The following PCDHGB3 variants were observed in gnomAD, a reference collection of about 807,000 sequenced individuals.
The protein encoded by PCDHGB3 is protocadherin gamma subfamily B, 3, also known as protocadherin gamma-B3.
In PCDHGB3, 40 loss-of-function variants were observed where a neutral mutation model predicts 59.2. That is an observed-to-expected ratio of 0.68 (90% confidence interval 0.52 to 0.88). The LOEUF is 0.88. Among genes scored for constraint, PCDHGB3 ranks in the 40% least tolerant of loss-of-function variants. The pLI is 0.00. For synonymous variants in PCDHGB3, 581 were observed against 503.6 expected (o/e 1.15, Z -2.06); for missense variants, 1,309 against 1,187.9 (o/e 1.10, Z -1.50).
intron 1 of PCDHGB3, chr5:141,421,118 T>A (rs572827470): frequency 1.3e-6 from 1 of 771,946 alleles, no homozygotes; most frequent in South Asian, 1.9e-5. Flanking sequence ...GTATTTTCCT[T>A]CGCTTTCTGA....
chr5:141,433,329 G>A, intron 1 of PCDHGB3: 1 of 702,998 alleles, frequency 1.4e-6, no homozygotes, highest in Non-Finnish European at 2.4e-6. Context: ...GTGTAACAGG[G>A]ACTACAGGTG....
At chr5:141,393,228 G>C (rs753113857) in intron 1 of PCDHGB3, 2 of 1,613,720 alleles carry the variant, frequency 1.2e-6, no homozygotes, top group East Asian at 2.2e-5. Context: ...CGAAGATCTA[G>C]AAGTAAAAAT....
chr5:141,467,788 A>G (rs2099151778), intron 1 of PCDHGB3, among the ~76,000 whole-genome samples: 1 of 152,020 alleles, frequency 6.6e-6, no homozygotes. Flanking sequence ...CCTCTCAAGT[A>G]GCTGGGACTA....
chr5:141,432,745 G>A lies in PCDHGB3; in HGVS notation c.2415+59936G>A, dbSNP rs138883931. ...TCTCCGCCACTGTCACGCTCACCGT[G>A]GCCGTGGCCGACAGCATCCCCCAAG... On this transcript the variant is annotated intron_variant, in intron 1 of 3. Coordinates refer to ENST00000576222, the MANE Select transcript of PCDHGB3 (RefSeq NM_018924.5). This position sits in a 1 kb window ranked among gnomAD's most constrained non-coding sequence, Gnocchi z 6.0. 311 of 1,614,110 alleles carry A rather than the reference G, an allele frequency of 1.9e-4. No individual in the cohort carries two copies. The African/African-American group carries it at 3.5e-3, about 18-fold the overall frequency.
At position 141,490,359 on chromosome 5, in the gene PCDHGB3, T is replaced by A; in HGVS notation, c.2416-4448T>A. On this transcript the variant is annotated intron_variant, in intron 1 of 3. Coordinates refer to ENST00000576222, the MANE Select transcript of PCDHGB3 (RefSeq NM_018924.5). The surrounding 1 kb of genome is among the most constrained non-coding windows in gnomAD (Gnocchi z 5.4). ...TGGGCACAGTAGTGGGGTTGTTTAA[T>A]GTGCGAGACCGGGACTCAGGTAGAA... 6.2e-7 allele frequency: 1 copy of A among 1,614,212 alleles called. No individual in the cohort carries two copies. The highest frequency in any genetic ancestry group is 8.5e-7 in the Non-Finnish European group (1 of 1,180,036).
intron 1 of PCDHGB3, chr5:141,382,935 A>G: frequency 6.3e-7 from 1 of 1,589,148 alleles, no homozygotes; most frequent in Admixed American, 1.7e-5. Flanking sequence ...ACTACAGAGG[A>G]TTCTTCCTGC....
chr5:141,404,909 CCT>C (rs1243432357), intron 1 of PCDHGB3: 1 of 1,613,798 alleles, frequency 6.2e-7, no homozygotes, highest in Admixed American at 1.7e-5. Flanking sequence ...TGGCCAGCCC[CCT>C]CTCTCGGCCA....
Position 141,490,225 on chromosome 5 carries a change from G to A in PCDHGB3, c.2416-4582G>A, listed in dbSNP as rs2099697468. On this transcript the variant is annotated intron_variant, in intron 1 of 3. Coordinates refer to ENST00000576222, the MANE Select transcript of PCDHGB3 (RefSeq NM_018924.5). This position sits in a 1 kb window ranked among gnomAD's most constrained non-coding sequence, Gnocchi z 5.4. The stretch of plus-strand genomic sequence containing the variant: ...AAGAGCCCGTGACCAGGGACAGCCT[G>A]CCATGGAGGGCCACTGTGTGATTCA... The A allele has an allele frequency of 6.2e-7, 1 of 1,614,112 alleles. No homozygotes were observed. The highest frequency in any genetic ancestry group is 1.1e-5 in the South Asian group (1 of 91,090).
chr5:141,387,227 A>T (rs1220813655), intron 1 of PCDHGB3, among the ~76,000 whole-genome samples: 3 of 152,230 alleles, frequency 2.0e-5, no homozygotes, highest in Non-Finnish European at 4.4e-5. Context: ...AAGTTGAAAT[A>T]AATCAACTTG....
rs374575578 is a variant in PCDHGB3 at position 141,409,643 on chromosome 5, T to G, written c.2415+36834T>G. 4.3e-6 allele frequency: 7 copies of G among 1,613,620 alleles called. No homozygotes were observed. The African/African-American group carries it at 8.0e-5, about 18-fold the overall frequency. ...GCAAGTGAGCGCCTCTGACCCGGAT[T>G]TGGGGCTCAATGGCCACATCTCCTA... On this transcript the variant is annotated intron_variant, in intron 1 of 3. Coordinates refer to ENST00000576222, the MANE Select transcript of PCDHGB3 (RefSeq NM_018924.5).
rs757663132 is a variant in PCDHGB3 at position 141,510,991 on chromosome 5, A to G, written c.2608A>G (p.Met870Val). ...CACCCTGGGAGGGGGTGCCGGCACC[A>G]TGGGATTGAGCGCCCGCTACGGACC... is the stretch of plus-strand genomic sequence containing the variant. ...SSTLGGGAGT[M>V]GLSARYGPQF... is the part of the protein sequence containing the mutation. Residue 870 changes from methionine (M) to valine (V), a missense_variant, in exon 4 of 4, where the codon ATG becomes GTG. Coordinates refer to ENST00000576222, the MANE Select transcript of PCDHGB3 (RefSeq NM_018924.5). 1.2e-6 allele frequency: 2 copies of G among 1,614,136 alleles called. No individual in the cohort carries two copies. Among genetic ancestry groups the G allele is most frequent in the Admixed American group, 3.3e-5 (2 of 60,022 alleles).
At chr5:141,382,317 GTAAA>G (rs1482634443) in intron 1 of PCDHGB3, among the ~76,000 whole-genome samples, 1 of 152,160 alleles carries the variant, frequency 6.6e-6, no homozygotes, top group Non-Finnish European at 1.5e-5. Flanking sequence ...ATACACTGAT[GTAAA>G]TATTTTCTAA....
chr5:141,381,820 C>CTTTCTTTCTTTCTTTCTTTCT (rs1279410534), intron 1 of PCDHGB3, among the ~76,000 whole-genome samples: 8 of 119,916 alleles, frequency 6.7e-5, no homozygotes, highest in African/African-American at 2.7e-4. Flanking sequence ...TTCTTTCTTT[C>CTTTCTTTCTTTCTTTCTTTCT]TTCTTCTTTT....
At chr5:141,499,557 C>G (rs972965979) in intron 2 of PCDHGB3, among the ~76,000 whole-genome samples, 1 of 152,192 alleles carries the variant, frequency 6.6e-6, no homozygotes, top group African/African-American at 2.4e-5. Context: ...TATGATACCA[C>G]TATCCAGCTT....
intron 1 of PCDHGB3, chr5:141,408,518 T>A (rs1330187050): frequency 6.2e-7 from 1 of 1,614,010 alleles, no homozygotes; most frequent in African/African-American, 1.3e-5. Flanking sequence ...TGAGTTGCAA[T>A]TGGAAGCTGT....
chr5:141,450,010 T>A (rs2098664468), intron 1 of PCDHGB3, among the ~76,000 whole-genome samples: 1 of 135,330 alleles, frequency 7.4e-6, no homozygotes, highest in African/African-American at 3.3e-5. Flanking sequence ...ATGTCTCTTT[T>A]TTTTTTTTTT....
intron 1 of PCDHGB3, chr5:141,430,990 GA>G (rs1185464233): frequency 1.2e-6 from 2 of 1,613,970 alleles, no homozygotes; most frequent in East Asian, 4.5e-5. Context: ...TTTTCGCCCT[GA>G]ATCCGCGCAG....
intron 3 of PCDHGB3, chr5:141,508,010 CAAG>C (rs2099865550): frequency 6.6e-6 from 1 of 152,308 alleles, no homozygotes; most frequent in Non-Finnish European, 1.5e-5. Context: ...GGGATGCTCT[CAAG>C]GAGGCTGCGG....
intron 1 of PCDHGB3, chr5:141,419,146 GCCT>G: frequency 6.2e-7 from 1 of 1,613,922 alleles, no homozygotes; most frequent in East Asian, 2.2e-5. Context: ...ACAGGGGCAA[GCCT>G]CCGTTATCCT....
Sources: gnomAD v4.1 joint callset for allele counts (sites outside exome capture counted in the v4.1 genomes callset) on GRCh38, gnomAD v4.1.1 for gene constraint, Gnocchi (gnomAD v3.1) non-coding constraint, MANE v1.5 for transcripts, NCBI Gene and HGNC (gene_info 2026-07-23, HGNC 2026-07-21) for gene names.